SPIRE1: variants seen among roughly 807,000 people sequenced by gnomAD.
SPIRE1 encodes the protein protein spire homolog 1.
In SPIRE1, 40 loss-of-function variants were observed where a neutral mutation model predicts 94.1. The observed-to-expected ratio is 0.43, with a 90% CI of 0.33 to 0.55. The LOEUF (loss-of-function observed/expected upper bound fraction) is 0.55, where lower values mean the gene tolerates loss of function less well. Ranked by LOEUF, SPIRE1 falls within the 20% of genes least tolerant of loss-of-function variation. The pLI, the probability that SPIRE1 is intolerant of heterozygous loss-of-function variation, is 0.06. For synonymous variants in SPIRE1, 376 were observed against 371.7 expected (o/e 1.01, Z -0.13); for missense variants, 838 against 975.2 (o/e 0.86, Z 1.87).
intron 3 of SPIRE1, among the ~76,000 whole-genome samples, chr18:12,540,152 C>T (rs183626425): frequency 5.9e-5 from 9 of 152,234 alleles, no homozygotes; most frequent in Admixed American, 3.3e-4. Flanking sequence ...AACCCAAACT[C>T]TTCAGTGTTC....
rs1043632818 is a variant in SPIRE1, at chr18:12,538,678, A to C, written c.604-3077T>G. ...GACAGCTCAAACAACTCTGAGAGTC[A>C]TCCTTTTTTCCCCCCTTAATATAGG... On this transcript the variant is annotated intron_variant, in intron 3 of 16. Transcript: ENST00000409402. Among the ~76,000 whole-genome samples, 55 of 150,608 alleles carry C rather than the reference A, an allele frequency of 3.7e-4. 2 individuals are homozygous for C. The highest frequency in any genetic ancestry group is 2.0e-4 in the Admixed American group (3 of 15,018).
At chr18:12,619,538 TAAAAATA>T (rs1382515038) in intron 2 of SPIRE1, among the ~76,000 whole-genome samples, 4 of 148,026 alleles carry the variant, frequency 2.7e-5, no homozygotes, top group Non-Finnish European at 6.0e-5. Flanking sequence ...CAAATAAAAA[TAAAAATA>T]AAAAATAAAA....
At chr18:12,618,810 A>G (rs1322688907) in intron 2 of SPIRE1, among the ~76,000 whole-genome samples, 5 of 152,190 alleles carry the variant, frequency 3.3e-5, no homozygotes, top group African/African-American at 1.2e-4. Context: ...TTCTCTCATA[A>G]AATACCTTTG....
intron 11 of SPIRE1, 71 bp downstream of exon 11, chr18:12,464,797 T>A: frequency 7.7e-7 from 1 of 1,291,982 alleles, no homozygotes; most frequent in Non-Finnish European, 1.1e-6. Flanking sequence ...CGCTCTGGGA[T>A]CTCTGCTCTA....
chr18:12,612,404 G>A (rs2037167951), intron 2 of SPIRE1, among the ~76,000 whole-genome samples: 1 of 152,098 alleles, frequency 6.6e-6, no homozygotes, highest in Non-Finnish European at 1.5e-5. Context: ...CTTAATGCTG[G>A]AGTGCGCCAG....
At chr18:12,454,296 G>A in intron 13 of SPIRE1, 50 bp downstream of exon 13, 2 of 1,607,640 alleles carry the variant, frequency 1.2e-6, no homozygotes, top group Non-Finnish European at 1.7e-6. Context: ...CTATGCATGG[G>A]ACTGGCCATC....
At chr18:12,618,889 T>C (rs375723396) in intron 2 of SPIRE1, among the ~76,000 whole-genome samples, 2 of 124,620 alleles carry the variant, frequency 1.6e-5, no homozygotes, top group African/African-American at 2.7e-5. Flanking sequence ...CAAAAACAAT[T>C]TTTTTCCCCC....
At chr18:12,475,812 C>T (rs2032546492) in intron 10 of SPIRE1, among the ~76,000 whole-genome samples, 1 of 152,194 alleles carries the variant, frequency 6.6e-6, no homozygotes, top group Non-Finnish European at 1.5e-5. Flanking sequence ...GAATCAGCTC[C>T]TCTCATCAAA....
Position 12,493,060 on chromosome 18 carries a change from C to G in SPIRE1, c.1189+12G>C. 1 of 1,604,422 alleles carries G rather than the reference C, an allele frequency of 6.2e-7. No homozygotes were observed. Among genetic ancestry groups the G allele is most frequent in the Non-Finnish European group, 8.5e-7 (1 of 1,177,332 alleles). ...ATGACTCTAGACTGAGTACAGGAAG[C>G]AGTGGACTCACCTAATCTGCTACGT... is the stretch of plus-strand genomic sequence containing the variant. On this transcript the variant is annotated intron_variant, in intron 8 of 16. Transcript: ENST00000409402.
intron 12 of SPIRE1, among the ~76,000 whole-genome samples, chr18:12,456,930 C>T (rs1424693689): frequency 1.1e-4 from 16 of 152,156 alleles, no homozygotes; most frequent in African/African-American, 3.6e-4. Flanking sequence ...ATCTGCCTCC[C>T]GGGTTCAAGT....
At chr18:12,453,982 A>C (rs1167823411) in intron 13 of SPIRE1, among the ~76,000 whole-genome samples, 1 of 151,900 alleles carries the variant, frequency 6.6e-6, no homozygotes, top group Non-Finnish European at 1.5e-5. Context: ...ACAGGGTTTC[A>C]CCATGTTGGC....
chr18:12,453,013 G>T, intron 14 of SPIRE1, 55 bp downstream of exon 14: 2 of 1,117,550 alleles, frequency 1.8e-6, no homozygotes, highest in Non-Finnish European at 2.6e-6. Context: ...AAGATAATTG[G>T]TATTTCTCTT....
In SPIRE1 at chr18:12,505,274, G is replaced by A. The variant is rs747992244; in HGVS notation, c.972+1203C>T. On this transcript the variant is annotated intron_variant, in intron 6 of 16. Coordinates refer to ENST00000409402, the MANE Select transcript of SPIRE1 (RefSeq NM_001128626.2). ...ATAGAAGATATTTTGGCCAAGTGCC[G>A]TGGCTCATGCCTATAATCCCAGCAC... Among the ~76,000 whole-genome samples the A allele has an allele frequency of 3.3e-5, 5 of 152,308 alleles. No individual in the cohort carries two copies. In the South Asian group the frequency reaches 8.3e-4, roughly 25 times the overall value.
chr18:12,548,953 A>C (rs1322160337), intron 2 of SPIRE1, among the ~76,000 whole-genome samples: 1 of 152,188 alleles, frequency 6.6e-6, no homozygotes, highest in Non-Finnish European at 1.5e-5. Context: ...GGATCTTCTA[A>C]GTTCCAAGGC....
intron 2 of SPIRE1, among the ~76,000 whole-genome samples, chr18:12,593,503 C>T (rs891269712): frequency 9.2e-5 from 14 of 152,184 alleles, no homozygotes; most frequent in Non-Finnish European, 1.9e-4. Context: ...ACGCTGAAGA[C>T]CAGGAAATGT....
intron 6 of SPIRE1, among the ~76,000 whole-genome samples, chr18:12,499,916 T>A (rs1233515618): frequency 2.6e-5 from 4 of 151,908 alleles, no homozygotes; most frequent in Non-Finnish European, 5.9e-5. Flanking sequence ...ATACAAACAA[T>A]CCAATTAAAA....
chr18:12,649,700 G>T (rs2038323602), intron 1 of SPIRE1, among the ~76,000 whole-genome samples: 3 of 152,132 alleles, frequency 2.0e-5, no homozygotes, highest in Non-Finnish European at 4.4e-5. Flanking sequence ...GTAGCTCAAT[G>T]ATTTTTTTCT....
intron 2 of SPIRE1, among the ~76,000 whole-genome samples, chr18:12,575,580 C>G (rs184124577): frequency 2.8e-4 from 42 of 152,252 alleles, no homozygotes; most frequent in Admixed American, 1.2e-3. Context: ...GGGATTCTCC[C>G]AAAGTGCTGG....
At chr18:12,451,777 T>C (rs1335606343) in intron 16 of SPIRE1, among the ~76,000 whole-genome samples, 1 of 152,254 alleles carries the variant, frequency 6.6e-6, no homozygotes, top group African/African-American at 2.4e-5. Context: ...GGACTGATAC[T>C]GAGGTGATGT....
Sources: gnomAD v4.1 joint callset for allele counts (sites outside exome capture counted in the v4.1 genomes callset) on GRCh38, gnomAD v4.1.1 for gene constraint, MANE v1.5 for transcripts, NCBI Gene and HGNC (gene_info 2026-07-23, HGNC 2026-07-21) for gene names.